The following AGRN variants were observed in gnomAD, a reference collection of about 807,000 sequenced individuals.
AGRN encodes agrin.
Under a neutral mutation model 211.0 loss-of-function variants are expected in AGRN, and 106 were observed. That is an observed-to-expected ratio of 0.50 (90% CI 0.43 to 0.59). The LOEUF (loss-of-function observed/expected upper bound fraction) is 0.59, where lower values mean the gene tolerates loss of function less well. Among genes scored for constraint, AGRN ranks in the 20% least tolerant of loss-of-function variants. AGRN has a pLI of 0.00. For synonymous variants in AGRN, 1,525 were observed against 1,332.5 expected, an observed-to-expected ratio of 1.14 and a Z score of -3.15; for missense variants, 3,040 against 2,982.6, an observed-to-expected ratio of 1.02 and a Z score of -0.45.
At position 1,046,935 on chromosome 1, in the gene AGRN, C is replaced by T. The variant is rs374090990; in HGVS notation, c.3366C>T (p.Asp1122=). 6.5e-5 allele frequency: 102 copies of T among 1,580,396 alleles called. No individual in the cohort carries two copies. Among genetic ancestry groups the T allele is most frequent in the East Asian group, 3.9e-4 (17 of 43,282 alleles). Residue 1122 remains aspartate, a synonymous_variant, in exon 19 of 36, where the codon GAC becomes GAT. Transcript: ENST00000379370. ...CCSDGKTPSL[D]AEGSNCPATK... ...CTGATGGGAAGACGCCCTCGCTGGA[C>T]GCAGAGGGCTCCAACTGCCCCGGTG...
Position 1,047,409 on chromosome 1 carries a change from C to T in AGRN, c.3471C>T (p.Pro1157=), listed in dbSNP as rs752262659. The change falls in exon 20 of 36, where the codon CCC becomes CCT. Residue 1157 remains proline (P), a synonymous_variant. Transcript: ENST00000379370. ...ELFYTPEMAD[P]KSELFGETAR... ...TCTACACGCCCGAGATGGCTGACCC[C>T]AAGTCAGAACTGTTCGGGGAGACAG... 6.2e-7 allele frequency: 1 copy of T among 1,612,584 alleles called. No individual in the cohort carries two copies. Among genetic ancestry groups the T allele is most frequent in the Non-Finnish European group, 8.5e-7 (1 of 1,179,730 alleles).
At position 1,049,364 on chromosome 1, in the gene AGRN, T is replaced by C. The variant is rs747024686; in HGVS notation, c.4427T>C (p.Val1476Ala). 6.3e-7 allele frequency: 1 copy of C among 1,598,108 alleles called. No homozygotes were observed. ...GTLSVDGETP[V>A]LGESPSGTDG... The stretch of plus-strand genomic sequence containing the variant: ...CTCTCGGTGGATGGTGAGACCCCTG[T>C]TCTGGGCGAGAGTCCCAGTGGCACC... The change falls in exon 25 of 36, where the codon GTT (valine) becomes GCT (alanine). Residue 1476 changes from valine to alanine, a missense_variant. By Grantham distance (64) the Val-to-Ala change is moderately conservative (BLOSUM62 0). Coordinates refer to ENST00000379370, the MANE Select transcript of AGRN (RefSeq NM_198576.4).
chr1:1,048,424 GGGT>G lies in AGRN; in HGVS notation c.4105+62_4105+64del. ...GCAGCAGGGTGGGGGCAAGGATTGG[GGGT>G]GGGGCTAAGCCACCATCAGGCTTTG... On this transcript the variant is annotated intron_variant, in intron 23 of 35. Coordinates refer to ENST00000379370, the MANE Select transcript of AGRN (RefSeq NM_198576.4). This position sits in a 1 kb window ranked among gnomAD's most constrained non-coding sequence, Gnocchi z 5.9. 3.2e-6 allele frequency: 4 copies of G among 1,261,480 alleles called. No homozygotes were observed. The highest frequency in any genetic ancestry group is 3.2e-6 in the Non-Finnish European group (3 of 936,656). 78.1% of individuals were successfully genotyped at this position (1,261,480 alleles called of 1,614,324 possible).
chr1:1,046,875 G>A lies in AGRN; in HGVS notation c.3306G>A (p.Arg1102=), dbSNP rs950052447. ...SVATPGPPVE[R]ASCYNSALGC... is the part of the protein sequence containing the mutation. ...CCACCCCTGGGCCACCTGTCGAGAG[G>A]GCTTCCTGCTACAACTCCGCGTTGG... Residue 1102 remains arginine (R), a synonymous_variant, in exon 19 of 36, where the codon AGG becomes AGA. Coordinates refer to ENST00000379370, the MANE Select transcript of AGRN (RefSeq NM_198576.4). 3.1e-6 allele frequency: 5 copies of A among 1,587,360 alleles called. No homozygotes were observed. The highest frequency in any genetic ancestry group is 1.3e-5 in the African/African-American group (1 of 74,786).
intron 29 of AGRN, 60 bp from the exon 30 acceptor site, chr1:1,050,666 C>T (rs1322623884): frequency 6.2e-7 from 1 of 1,604,624 alleles, no homozygotes; most frequent in South Asian, 1.1e-5. Context: ...TCGCTCAGGC[C>T]CTGGGTGGTC....
At chr1:1,050,190 G>T in intron 27 of AGRN, 43 bp from the exon 28 acceptor site, 1 of 1,609,022 alleles carries the variant, frequency 6.2e-7, no homozygotes, top group Non-Finnish European at 8.5e-7. Context: ...GGTGCAGGAG[G>T]CCCCGGGGGT....
In AGRN at chr1:1,048,250, A is replaced by G. The variant is rs2100669142; in HGVS notation, c.3990A>G (p.Pro1330=). ...GRRPPAPQQP[P]KPCDSQPCFH... ...GGCCCCCGGCCCCCCAGCAGCCTCC[A>G]AAGCCCTGTGACTCACAGCCCTGCT... The change falls in exon 23 of 36, where the codon CCA becomes CCG. Residue 1330 remains proline (P), a synonymous_variant. Coordinates refer to ENST00000379370, the MANE Select transcript of AGRN (RefSeq NM_198576.4). This position sits in a 1 kb window ranked among gnomAD's most constrained non-coding sequence, Gnocchi z 5.9. 6.5e-7 allele frequency: 1 copy of G among 1,542,712 alleles called. No homozygotes were observed. Among genetic ancestry groups the G allele is most frequent in the Non-Finnish European group, 8.8e-7 (1 of 1,142,310 alleles).
Position 1,050,360 on chromosome 1 carries a change from G to A in AGRN, c.4976+31G>A, listed in dbSNP as rs372388281. The A allele has an allele frequency of 1.3e-3, 2,127 of 1,612,606 alleles. 25 individuals are homozygous for A. The South Asian group carries it at 0.017, about 13-fold the overall frequency. Reference sequence around the variant, plus strand: ...TGGGGCAGGAGCAGGGGGAAGGGCCGGCCCCCACCTCCGTCTCTCCTGTGG... The same window carrying A: ...TGGGGCAGGAGCAGGGGGAAGGGCCAGCCCCCACCTCCGTCTCTCCTGTGG... On this transcript the variant is annotated intron_variant, in intron 28 of 35. Coordinates refer to ENST00000379370, the MANE Select transcript of AGRN (RefSeq NM_198576.4).
chr1:1,052,399 G>C (rs1221827561), intron 33 of AGRN: 1 of 320,586 alleles, frequency 3.1e-6, no homozygotes, highest in Admixed American at 4.5e-5. Flanking sequence ...CCATGTATAT[G>C]TGTGTGTGTA....
chr1:1,021,171 CCGG>C (rs1644394145), intron 1 of AGRN, among the ~76,000 whole-genome samples: 4 of 152,194 alleles, frequency 2.6e-5, no homozygotes, highest in Admixed American at 2.6e-4. Context: ...TTCAGACTGG[CCGG>C]TGCGGGCTAC....
rs28701544 is a variant in AGRN, at chr1:1,055,798, G to C, written c.*817G>C. On this transcript the variant is annotated 3_prime_UTR_variant, in exon 36 of 36. Transcript: ENST00000379370. Reference sequence around the variant, plus strand: ...CCCATCTCGCCTGAGAGCGGCTGAGGGCTGCCTCACTGCAAATCCTCCCCA... The same window carrying C: ...CCCATCTCGCCTGAGAGCGGCTGAGCGCTGCCTCACTGCAAATCCTCCCCA... 4.1e-3 allele frequency: 631 copies of C among 152,586 alleles called. 8 individuals are homozygous for C. Among genetic ancestry groups the C allele is most frequent in the African/African-American group, 0.015 (608 of 41,578 alleles). The allele number at this position is 152,586 out of a possible 1,614,324, so 9.5% of individuals were successfully genotyped here.
At position 1,052,493 on chromosome 1, in the gene AGRN, G is replaced by A. The variant is rs1013345421; in HGVS notation, c.5651+678G>A. 9 of 259,022 alleles carry A rather than the reference G, an allele frequency of 3.5e-5. No individual in the cohort carries two copies. The East Asian group carries it at 8.7e-4, about 25-fold the overall frequency. The allele number at this position is 259,022 out of a possible 1,614,324, so 16.0% of individuals were successfully genotyped here. ...CTCCATGTATGTGTGTGTATATGAG[G>A]GAGACATGCAGGTATGTGTCCGTGT... On this transcript the variant is annotated intron_variant, in intron 33 of 35. Coordinates refer to ENST00000379370, the MANE Select transcript of AGRN (RefSeq NM_198576.4).
intron 2 of AGRN, 107 bp from the exon 3 acceptor site, chr1:1,035,170 G>T (rs1187080533): frequency 0.034 from 391 of 11,590 alleles, 4 homozygotes; most frequent in African/African-American, 0.065. Context: ...GGCTAGCGGT[G>T]GGGGGGGGGG....
At chr1:1,051,417 T>A in intron 31 of AGRN, 36 bp from the exon 32 acceptor site, 1 of 1,539,596 alleles carries the variant, frequency 6.5e-7, no homozygotes, top group South Asian at 1.2e-5. Flanking sequence ...GCGGGCGGGG[T>A]GGCAGGCGGG....
rs146358566 is a variant in AGRN, at chr1:1,047,403, T to C, written c.3465T>C (p.Ala1155=). ...AGCTGTTCTACACGCCCGAGATGGC[T>C]GACCCCAAGTCAGAACTGTTCGGGG... ...GQELFYTPEM[A]DPKSELFGET... Residue 1155 remains alanine, a synonymous_variant, in exon 20 of 36, where the codon GCT becomes GCC. Transcript: ENST00000379370. 9,516 of 1,612,498 alleles carry C rather than the reference T, an allele frequency of 5.9e-3. 33 individuals are homozygous for C. Among genetic ancestry groups the C allele is most frequent in the African/African-American group, 9.7e-3 (727 of 75,044 alleles).
intron 35 of AGRN, 134 bp downstream of exon 35, chr1:1,054,685 G>A: frequency 6.1e-6 from 9 of 1,481,004 alleles, no homozygotes; most frequent in African/African-American, 1.4e-5. Context: ...TTCTCCCGCT[G>A]TAGCCCCTGC....
Position 1,022,183 on chromosome 1 carries a change from C to T in AGRN, c.202-18C>T, listed in dbSNP as rs1426862316. 6.2e-7 allele frequency: 1 copy of T among 1,612,892 alleles called. No individual in the cohort carries two copies. Among genetic ancestry groups the T allele is most frequent in the Admixed American group, 1.7e-5 (1 of 60,032 alleles). ...CCCAGGAGAGGACTAATGACACCTA[C>T]CGCCATGTCCACCCCAGGTTCGGGT... is the stretch of plus-strand genomic sequence containing the variant. On this transcript the variant is annotated intron_variant, in intron 1 of 35. Transcript: ENST00000379370.
At position 1,031,217 on chromosome 1, in the gene AGRN, A is replaced by G. The variant is rs1297555013; in HGVS notation, c.464-4060A>G. 1.4e-5 allele frequency among the ~76,000 whole-genome samples: 2 copies of G among 139,484 alleles called. No individual in the cohort carries two copies. The highest frequency in any genetic ancestry group is 3.0e-5 in the Non-Finnish European group (2 of 65,574). 91.5% of individuals were successfully genotyped at this position (139,484 alleles called of 152,430 possible). On this transcript the variant is annotated intron_variant, in intron 2 of 35. Coordinates refer to ENST00000379370, the MANE Select transcript of AGRN (RefSeq NM_198576.4). This position sits in a 1 kb window ranked among gnomAD's most constrained non-coding sequence, Gnocchi z 4.8. ...AGATCAGCATGTGTGTGTGCAGTGC[A>G]TGGTGCTGTGAGTGTATCAGCATGT...
At chr1:1,023,633 G>A (rs1644458103) in intron 2 of AGRN, among the ~76,000 whole-genome samples, 1 of 152,210 alleles carries the variant, frequency 6.6e-6, no homozygotes. Flanking sequence ...GTCCCTGCAA[G>A]ATCAGGAGAG....
Sources: gnomAD v4.1 joint callset for allele counts (sites outside exome capture counted in the v4.1 genomes callset) on GRCh38, gnomAD v4.1.1 for gene constraint, Gnocchi (gnomAD v3.1) non-coding constraint, MANE v1.5 for transcripts, NCBI Gene and HGNC (gene_info 2026-07-23, HGNC 2026-07-21) for gene names.